The following CBFA2T2 variants were observed in gnomAD, a reference collection of about 807,000 sequenced individuals.
The protein encoded by CBFA2T2 is protein CBFA2T2.
CBFA2T2 carries 11 observed loss-of-function variants against 62.2 expected under a neutral mutation model. The ratio of observed to expected loss-of-function variants is 0.18; its 90% CI spans 0.11 to 0.29. The LOEUF (loss-of-function observed/expected upper bound fraction) is 0.29. Among genes scored for constraint, CBFA2T2 ranks in the 10% least tolerant of loss-of-function variants. The pLI is 1.00. For missense variants in CBFA2T2, 592 were observed against 774.1 expected, an observed-to-expected ratio of 0.76 and a Z score of 2.79; for synonymous variants, 295 against 287.5, an observed-to-expected ratio of 1.03 and a Z score of -0.27.
chr20:33,552,347 G>A (rs1317539568), intron 1 of CBFA2T2, among the ~76,000 whole-genome samples: 1 of 152,172 alleles, frequency 6.6e-6, no homozygotes, highest in Non-Finnish European at 1.5e-5. Context: ...AAGCTTCAGA[G>A]GACCTCAGGT....
chr20:33,554,339 G>A (rs1030708576), intron 1 of CBFA2T2, among the ~76,000 whole-genome samples: 1 of 147,590 alleles, frequency 6.8e-6, no homozygotes, highest in African/African-American at 2.5e-5. Context: ...TGCAGCCTTC[G>A]CCTCCTGGGT....
intron 3 of CBFA2T2, among the ~76,000 whole-genome samples, chr20:33,611,981 C>T (rs2015547294): frequency 6.6e-6 from 1 of 152,066 alleles, no homozygotes; most frequent in African/African-American, 2.4e-5. Flanking sequence ...ATATTCAGTG[C>T]TTAGTGCATT....
chr20:33,605,780 A>C (rs1045088906), intron 1 of CBFA2T2, among the ~76,000 whole-genome samples: 2 of 151,906 alleles, frequency 1.3e-5, no homozygotes, highest in Non-Finnish European at 2.9e-5. Context: ...TACTTGATGT[A>C]GTTGATATGT....
intron 1 of CBFA2T2, among the ~76,000 whole-genome samples, chr20:33,587,517 T>C (rs1229289717): frequency 6.6e-6 from 1 of 152,068 alleles, no homozygotes; most frequent in East Asian, 1.9e-4. Context: ...CCGCCCCCCT[T>C]GGCCTCCCAA....
chr20:33,639,377 A>G (rs2016740447), intron 9 of CBFA2T2: 2 of 152,318 alleles, frequency 1.3e-5, no homozygotes, highest in Non-Finnish European at 2.9e-5. Context: ...GATCGAGACC[A>G]TCCTGGCTAA....
chr20:33,537,437 G>A (rs1314234680), intron 1 of CBFA2T2, among the ~76,000 whole-genome samples: 2 of 152,254 alleles, frequency 1.3e-5, no homozygotes, highest in Non-Finnish European at 2.9e-5. Flanking sequence ...GATGGCAGCA[G>A]TACAGTCCAG....
At chr20:33,636,471 T>TA (rs1568870092) in intron 8 of CBFA2T2, among the ~76,000 whole-genome samples, 169 bp from the exon 9 acceptor site, 1 of 152,176 alleles carries the variant, frequency 6.6e-6, no homozygotes, top group Non-Finnish European at 1.5e-5. Context: ...TAAAACTAAA[T>TA]ATTTACTGTA....
intron 3 of CBFA2T2, among the ~76,000 whole-genome samples, chr20:33,612,925 G>T (rs2015580441): frequency 6.6e-6 from 1 of 152,118 alleles, no homozygotes; most frequent in Non-Finnish European, 1.5e-5. Flanking sequence ...TCTACAAAAT[G>T]ATTTTTTAAA....
intron 1 of CBFA2T2, 112 bp downstream of exon 1, chr20:33,490,413 C>T: frequency 9.4e-7 from 1 of 1,059,910 alleles, no homozygotes; most frequent in Non-Finnish European, 1.2e-6. Context: ...GAAACTGAGG[C>T]CCGAAGCGGG....
At chr20:33,506,125 G>A (rs1186667483) in intron 1 of CBFA2T2, among the ~76,000 whole-genome samples, 1 of 151,930 alleles carries the variant, frequency 6.6e-6, no homozygotes, top group Non-Finnish European at 1.5e-5. Context: ...GAAATAGAAG[G>A]GGCTGGGTAT....
intron 1 of CBFA2T2, among the ~76,000 whole-genome samples, chr20:33,592,108 A>G (rs1379506328): frequency 6.6e-6 from 1 of 152,112 alleles, no homozygotes; most frequent in African/African-American, 2.4e-5. Context: ...CATGCCTGTT[A>G]TCTCAGCACT....
At chr20:33,623,954 G>GAAAAAAAAAAAAAAGAAAAAAAAAAA in intron 5 of CBFA2T2, 1 of 320,170 alleles carries the variant, frequency 3.1e-6, no homozygotes, top group East Asian at 4.5e-5. Context: ...GAAAGAATTG[G>GAAAAAAAAAAAAAAGAAAAAAAAAAA]AAAAAAAAAA....
In CBFA2T2 at chr20:33,490,279, C is replaced by A; in HGVS notation, c.12C>A (p.Val4=). MVG[V]PGAAAFQLGP... ...GGCGGCGCTCGGCGATGGTAGGCGT[C>A]CCTGGAGCGGCCGCCTTCCAGCGTA... The change falls in exon 1 of 11, where the codon GTC becomes GTA. Residue 4 remains valine (V), a synonymous_variant. Coordinates refer to ENST00000342704, the MANE Select transcript of CBFA2T2 (RefSeq NM_001032999.3). The A allele has an allele frequency of 7.9e-7, 1 of 1,261,882 alleles. No homozygotes were observed. The highest frequency in any genetic ancestry group is 3.5e-5 in the South Asian group (1 of 28,920). The allele number at this position is 1,261,882 out of a possible 1,614,324, so 78.2% of individuals were successfully genotyped here. A position where few individuals can be genotyped will look rare whatever the true frequency, so the allele number is the denominator to read the frequency against.
chr20:33,597,140 C>T (rs1295818077), intron 1 of CBFA2T2, among the ~76,000 whole-genome samples: 1 of 151,830 alleles, frequency 6.6e-6, no homozygotes, highest in East Asian at 1.9e-4. Flanking sequence ...CCATCTTGTC[C>T]AGGCTGGTCT....
At chr20:33,533,715 T>TA (rs2012124127) in intron 1 of CBFA2T2, among the ~76,000 whole-genome samples, 1 of 151,946 alleles carries the variant, frequency 6.6e-6, no homozygotes, top group Non-Finnish European at 1.5e-5. Flanking sequence ...GGCTCATGCC[T>TA]GTAATCCCAG....
intron 1 of CBFA2T2, among the ~76,000 whole-genome samples, chr20:33,533,515 A>G (rs1405914695): frequency 2.0e-5 from 3 of 152,168 alleles, no homozygotes; most frequent in African/African-American, 7.2e-5. Context: ...ATTGTTGAGT[A>G]GTATTCTGTT....
At position 33,562,092 on chromosome 20, in the gene CBFA2T2, A is replaced by G. The variant is rs924934027; in HGVS notation, c.35-44864A>G. 8.5e-5 allele frequency among the ~76,000 whole-genome samples: 13 copies of G among 152,348 alleles called. 1 individual carries two copies. Among genetic ancestry groups the G allele is most frequent in the Admixed American group, 7.8e-4 (12 of 15,308 alleles). On this transcript the variant is annotated intron_variant, in intron 1 of 10. Transcript: ENST00000342704. ...AACCAGACAGTATATAGGACTTTAA[A>G]TGGTAATTGCTAAACATTTGAATGT...
intron 1 of CBFA2T2, among the ~76,000 whole-genome samples, chr20:33,591,467 C>CAAAA (rs11475752): frequency 1.0e-5 from 1 of 98,080 alleles, no homozygotes; most frequent in African/African-American, 3.4e-5. Context: ...GAGTAAATCT[C>CAAAA]AAAAAAAAAA....
chr20:33,509,347 A>G (rs1431886835), intron 1 of CBFA2T2, among the ~76,000 whole-genome samples: 1 of 152,122 alleles, frequency 6.6e-6, no homozygotes, highest in Admixed American at 6.6e-5. Flanking sequence ...AGCCTAGGCG[A>G]CACAGCGAGA....
Sources: allele counts gnomAD v4.1 joint callset (sites outside exome capture counted in the v4.1 genomes callset), GRCh38; gene constraint gnomAD v4.1.1; transcripts MANE v1.5; gene names NCBI Gene and HGNC (gene_info 2026-07-23, HGNC 2026-07-21).